WWC2: variants seen among roughly 807,000 people sequenced by gnomAD.
WWC2 encodes WW and C2 domain containing 2.
A neutral mutation model predicts 138.5 loss-of-function variants in WWC2; 101 were observed. The ratio of observed to expected loss-of-function variants is 0.73; its 90% confidence interval spans 0.62 to 0.86. The LOEUF is 0.86. Among genes scored for constraint, WWC2 ranks in the 40% least tolerant of loss-of-function variants. WWC2 has a pLI of 0.00. For missense variants in WWC2, 1,420 were observed against 1,419.4 expected, an observed-to-expected ratio of 1.00 and a Z score of -0.01; for synonymous variants, 558 against 538.4, an observed-to-expected ratio of 1.04 and a Z score of -0.50.
chr4:183,263,170 G>T (rs1737389049), intron 11 of WWC2, among the ~76,000 whole-genome samples: 1 of 152,192 alleles, frequency 6.6e-6, no homozygotes, highest in South Asian at 2.1e-4. Context: ...CCTGTGCTTT[G>T]AACTTACATC....
chr4:183,102,752 C>T (rs1743217610), intron 1 of WWC2, among the ~76,000 whole-genome samples: 1 of 152,100 alleles, frequency 6.6e-6, no homozygotes, highest in South Asian at 2.1e-4. Context: ...CATGGGCCCA[C>T]TCCCCGAGTG....
At chr4:183,134,223 C>T (rs949634617) in intron 1 of WWC2, among the ~76,000 whole-genome samples, 10 of 151,656 alleles carry the variant, frequency 6.6e-5, no homozygotes, top group African/African-American at 1.9e-4. Flanking sequence ...AGTTTTGACA[C>T]TGACATTGTT....
chr4:183,156,002 G>A (rs926577898), intron 1 of WWC2, among the ~76,000 whole-genome samples: 6 of 145,892 alleles, frequency 4.1e-5, no homozygotes, highest in South Asian at 2.3e-4. Context: ...TGCCAATTCC[G>A]TTGTGTTGTT....
At chr4:183,105,985 AT>A (rs879343342) in intron 1 of WWC2, among the ~76,000 whole-genome samples, 113 of 145,224 alleles carry the variant, frequency 7.8e-4, no homozygotes, top group South Asian at 6.5e-4. Flanking sequence ...GAGGAAAGGG[AT>A]TTTTTTTTTT....
intron 1 of WWC2, among the ~76,000 whole-genome samples, chr4:183,100,652 C>T (rs1743149666): frequency 6.6e-6 from 1 of 152,286 alleles, no homozygotes; most frequent in East Asian, 1.9e-4. Flanking sequence ...TTAACATTTT[C>T]CCTTTTCTCA....
chr4:183,217,142 C>G (rs749246340), intron 4 of WWC2, among the ~76,000 whole-genome samples: 4 of 152,124 alleles, frequency 2.6e-5, no homozygotes, highest in Admixed American at 6.6e-5. Context: ...TGTGCTAGAA[C>G]AAAGTCCAGG....
intron 1 of WWC2, among the ~76,000 whole-genome samples, chr4:183,101,826 G>T (rs766280050): frequency 1.3e-5 from 2 of 152,178 alleles, no homozygotes; most frequent in Non-Finnish European, 2.9e-5. Flanking sequence ...GATATACTAT[G>T]GGTCTGCAGT....
At chr4:183,142,227 G>A (rs1351405290) in intron 1 of WWC2, among the ~76,000 whole-genome samples, 1 of 152,196 alleles carries the variant, frequency 6.6e-6, no homozygotes, top group Admixed American at 6.5e-5. Flanking sequence ...TGGTTCTGGG[G>A]TTATATTGCC....
chr4:183,307,506 A>C (rs1021446944), intron 21 of WWC2, among the ~76,000 whole-genome samples: 2 of 152,246 alleles, frequency 1.3e-5, no homozygotes, highest in African/African-American at 4.8e-5. Flanking sequence ...CTACAGCCCT[A>C]TATCTCTTGT....
intron 5 of WWC2, chr4:183,240,681 GTC>G (rs150453410): frequency 1.8e-3 from 269 of 151,068 alleles, no homozygotes; most frequent in Non-Finnish European, 3.0e-3. Context: ...AGGCGTGTCT[GTC>G]TCTCTCTCTC....
chr4:183,113,515 T>TGCGCGCGC (rs1554064965), intron 1 of WWC2, among the ~76,000 whole-genome samples: 1 of 126,644 alleles, frequency 7.9e-6, no homozygotes, highest in African/African-American at 3.0e-5. Context: ...TGTGTGTGTG[T>TGCGCGCGC]GCGCGCGCGT....
chr4:183,286,182 C>A, intron 20 of WWC2, 123 bp downstream of exon 20: 1 of 894,652 alleles, frequency 1.1e-6, no homozygotes, highest in Non-Finnish European at 1.8e-6. Context: ...CTACTGAATG[C>A]AGCCACTGGG....
At chr4:183,259,878 C>A in intron 10 of WWC2, 150 bp downstream of exon 10, 1 of 655,918 alleles carries the variant, frequency 1.5e-6, no homozygotes, top group Non-Finnish European at 2.6e-6. Context: ...TTTAAAGTCA[C>A]ATTTTCTTTT....
At chr4:183,127,738 C>G (rs1217374473) in intron 1 of WWC2, among the ~76,000 whole-genome samples, 1 of 151,954 alleles carries the variant, frequency 6.6e-6, no homozygotes, top group Non-Finnish European at 1.5e-5. Context: ...TATTATATAC[C>G]TTAAATGTGT....
chr4:183,145,443 T>C (rs755746616), intron 1 of WWC2, among the ~76,000 whole-genome samples: 7 of 152,218 alleles, frequency 4.6e-5, no homozygotes, highest in African/African-American at 7.2e-5. Context: ...GTTTGTTTGC[T>C]TAATATCTTG....
chr4:183,235,461 T>C (rs961225630), intron 4 of WWC2, among the ~76,000 whole-genome samples: 1 of 152,246 alleles, frequency 6.6e-6, no homozygotes, highest in Non-Finnish European at 1.5e-5. Context: ...CTAATTTTCA[T>C]GTTGCATAAC....
intron 1 of WWC2, among the ~76,000 whole-genome samples, chr4:183,139,835 C>T (rs1240934743): frequency 1.3e-5 from 2 of 152,168 alleles, no homozygotes; most frequent in Non-Finnish European, 2.9e-5. Flanking sequence ...TAAATTGAGA[C>T]AGAGTCTCAT....
intron 11 of WWC2, among the ~76,000 whole-genome samples, chr4:183,264,273 C>G (rs1223707058): frequency 6.6e-6 from 1 of 152,202 alleles, no homozygotes; most frequent in Non-Finnish European, 1.5e-5. Context: ...TGCGCTCACT[C>G]TCACTCACTG....
intron 1 of WWC2, among the ~76,000 whole-genome samples, chr4:183,124,916 C>T (rs986599531): frequency 6.6e-6 from 1 of 152,132 alleles, no homozygotes; most frequent in East Asian, 1.9e-4. Context: ...AGCTCAGACT[C>T]CTCCACAAAA....
Sources: allele counts gnomAD v4.1 joint callset (sites outside exome capture counted in the v4.1 genomes callset), GRCh38; gene constraint gnomAD v4.1.1; transcripts MANE v1.5; gene names NCBI Gene and HGNC (gene_info 2026-07-23, HGNC 2026-07-21).